Variants in UNC13C observed in about 807,000 individuals in gnomAD.
UNC13C encodes the protein protein unc-13 homolog C.
A neutral mutation model predicts 245.4 loss-of-function variants in UNC13C; 174 were observed. The ratio of observed to expected loss-of-function variants is 0.71; its 90% CI spans 0.63 to 0.80. The LOEUF (loss-of-function observed/expected upper bound fraction) is 0.80, where lower values mean the gene tolerates loss of function less well. Ranked by LOEUF, UNC13C falls within the 30% of genes least tolerant of loss-of-function variation. The pLI is 0.00. For synonymous variants in UNC13C, 992 were observed against 895.1 expected (o/e 1.11, Z -1.93); for missense variants, 2,829 against 2,602.9 (o/e 1.09, Z -1.89).
At chr15:54,623,530 G>A (rs1396080146) in intron 31 of UNC13C, among the ~76,000 whole-genome samples, 1 of 152,172 alleles carries the variant, frequency 6.6e-6, no homozygotes, top group African/African-American at 2.4e-5. Flanking sequence ...CCAAGAGGAG[G>A]AGAGTGCTAA....
intron 19 of UNC13C, among the ~76,000 whole-genome samples, chr15:54,466,070 A>G (rs1339015622): frequency 6.6e-6 from 1 of 152,012 alleles, no homozygotes; most frequent in African/African-American, 2.4e-5. Context: ...TATTACATTT[A>G]ATGAAATAAA....
At chr15:53,877,767 C>G in the UNC13C span, among the ~76,000 whole-genome samples, 4 of 152,146 alleles carry the variant, frequency 2.6e-5, no homozygotes, top group Non-Finnish European at 4.4e-5. Flanking sequence ...GTAAACAATA[C>G]CTAATAAAGA....
intron 30 of UNC13C, among the ~76,000 whole-genome samples, chr15:54,585,843 C>T (rs531969855): frequency 1.4e-3 from 212 of 152,326 alleles, no homozygotes; most frequent in Non-Finnish European, 2.5e-3. Flanking sequence ...AACTTGTCCT[C>T]AAGGGGACTT....
chr15:54,040,333 C>T (rs896179126), intron 2 of UNC13C, among the ~76,000 whole-genome samples: 1 of 152,110 alleles, frequency 6.6e-6, no homozygotes, highest in Non-Finnish European at 1.5e-5. Flanking sequence ...GGTCCAATCC[C>T]ACTTAAGAAC....
At chr15:54,455,219 A>C (rs1221575391) in intron 19 of UNC13C, among the ~76,000 whole-genome samples, 24 of 70,278 alleles carry the variant, frequency 3.4e-4, no homozygotes, top group East Asian at 8.4e-4. Flanking sequence ...ATATATATAT[A>C]TATATATATA....
chr15:54,473,633 G>A (rs1231007893), intron 19 of UNC13C, among the ~76,000 whole-genome samples: 1 of 151,656 alleles, frequency 6.6e-6, no homozygotes, highest in Non-Finnish European at 1.5e-5. Context: ...ATGACCTCTG[G>A]TTCCATCTAT....
chr15:54,618,989 A>C (rs1900629204), intron 30 of UNC13C, among the ~76,000 whole-genome samples: 1 of 152,170 alleles, frequency 6.6e-6, no homozygotes, highest in African/African-American at 2.4e-5. Context: ...ATATTTGTCT[A>C]ATGAGTTTTA....
chr15:53,883,155 G>A, the UNC13C span, among the ~76,000 whole-genome samples: 1 of 152,066 alleles, frequency 6.6e-6, no homozygotes, highest in Admixed American at 6.6e-5. Context: ...TAGTGAATCA[G>A]CAATTGAATT....
At chr15:54,376,583 G>A (rs922482201) in intron 17 of UNC13C, among the ~76,000 whole-genome samples, 2 of 152,156 alleles carry the variant, frequency 1.3e-5, no homozygotes, top group Non-Finnish European at 2.9e-5. Flanking sequence ...GTCATAGTTT[G>A]GGTTGTCCAA....
chr15:54,205,321 C>A (rs2034672621), intron 4 of UNC13C, among the ~76,000 whole-genome samples: 1 of 151,922 alleles, frequency 6.6e-6, no homozygotes, highest in South Asian at 2.1e-4. Flanking sequence ...TTTCTCTTGT[C>A]CCCCAATGTA....
intron 24 of UNC13C, among the ~76,000 whole-genome samples, chr15:54,516,645 C>T (rs986334513): frequency 1.3e-5 from 2 of 151,590 alleles, no homozygotes; most frequent in African/African-American, 4.9e-5. Context: ...CTAAAAATAC[C>T]AAAAATTAGC....
chr15:54,194,081 C>T (rs943704091), intron 4 of UNC13C, among the ~76,000 whole-genome samples: 1 of 152,084 alleles, frequency 6.6e-6, no homozygotes, highest in African/African-American at 2.4e-5. Flanking sequence ...CCAAGTGGGC[C>T]TTCATACAGG....
chr15:53,935,587 C>T, the UNC13C span, among the ~76,000 whole-genome samples: 7 of 152,212 alleles, frequency 4.6e-5, no homozygotes, highest in East Asian at 1.9e-4. Flanking sequence ...ATGAAAATGG[C>T]GAGTTAATTC....
chr15:54,162,231 G>A (rs1444197028), intron 4 of UNC13C, among the ~76,000 whole-genome samples: 1 of 152,126 alleles, frequency 6.6e-6, no homozygotes, highest in Non-Finnish European at 1.5e-5. Flanking sequence ...TCAGGCAAGT[G>A]ACTAGATATA....
chr15:54,098,068 C>T (rs1054322341), intron 2 of UNC13C, among the ~76,000 whole-genome samples: 3 of 152,154 alleles, frequency 2.0e-5, no homozygotes, highest in African/African-American at 7.2e-5. Flanking sequence ...ATAGAAGATT[C>T]AGTAGTCTCA....
At chr15:54,576,279 C>A (rs1897952368) in intron 30 of UNC13C, among the ~76,000 whole-genome samples, 1 of 152,196 alleles carries the variant, frequency 6.6e-6, no homozygotes, top group Non-Finnish European at 1.5e-5. Flanking sequence ...CTGTCTCACA[C>A]TCGTTTTCAT....
At chr15:54,048,278 C>T (rs576310700) in intron 2 of UNC13C, among the ~76,000 whole-genome samples, 1 of 152,286 alleles carries the variant, frequency 6.6e-6, no homozygotes, top group Admixed American at 6.5e-5. Flanking sequence ...TTCTCTCAAT[C>T]TATTTGGAGA....
At chr15:54,258,106 A>T (rs554218670) in intron 8 of UNC13C, among the ~76,000 whole-genome samples, 21 of 152,258 alleles carry the variant, frequency 1.4e-4, no homozygotes, top group Non-Finnish European at 2.8e-4. Flanking sequence ...ATGGATGTTA[A>T]CCACCCACTT....
chr15:53,894,502 A>G, the UNC13C span, among the ~76,000 whole-genome samples: 1 of 152,206 alleles, frequency 6.6e-6, no homozygotes, highest in African/African-American at 2.4e-5. Context: ...AGAAGTGGTC[A>G]TCTGACTGGC....
Sources: allele counts gnomAD v4.1 joint callset (sites outside exome capture counted in the v4.1 genomes callset), GRCh38; gene constraint gnomAD v4.1.1; transcripts MANE v1.5; gene names NCBI Gene and HGNC (gene_info 2026-07-23, HGNC 2026-07-21).